Variants in ZFHX3 observed in about 807,000 individuals in gnomAD.
ZFHX3 encodes the protein zinc finger homeobox 3.
A neutral mutation model predicts 279.1 loss-of-function variants in ZFHX3; 42 were observed. That is an observed-to-expected ratio of 0.15 (90% CI 0.12 to 0.19). The LOEUF is 0.19. Ranked by LOEUF, ZFHX3 falls within the 10% of genes least tolerant of loss-of-function variation. ZFHX3 has a pLI of 1.00. For synonymous variants in ZFHX3, 2,293 were observed against 1,957.8 expected, an observed-to-expected ratio of 1.17 and a Z score of -4.52; for missense variants, 4,981 against 4,754.0, an observed-to-expected ratio of 1.05 and a Z score of -1.40.
intron 1 of ZFHX3, among the ~76,000 whole-genome samples, chr16:72,966,795 G>A (rs1961864498): frequency 6.6e-6 from 1 of 152,184 alleles, no homozygotes; most frequent in Admixed American, 6.5e-5. Context: ...GTTGAATTAG[G>A]GGCAATGAGG....
At chr16:73,723,069 C>A (rs150479577) in intron 1 of ZFHX3, among the ~76,000 whole-genome samples, 1 of 152,156 alleles carries the variant, frequency 6.6e-6, no homozygotes, top group South Asian at 2.1e-4. Flanking sequence ...AGACCATACT[C>A]GCCATCCATT....
chr16:72,862,185 A>G (rs2037906740), intron 4 of ZFHX3, among the ~76,000 whole-genome samples: 1 of 152,186 alleles, frequency 6.6e-6, no homozygotes, highest in South Asian at 2.1e-4. Context: ...AGGGTTTCCC[A>G]TAGCACTGAA....
intron 4 of ZFHX3, among the ~76,000 whole-genome samples, chr16:73,266,449 G>C (rs528443197): frequency 6.6e-6 from 1 of 152,146 alleles, no homozygotes; most frequent in African/African-American, 2.4e-5. Flanking sequence ...TAAATGAAGA[G>C]CTAGGAGGTG....
chr16:72,851,911 T>G (rs2037628559), intron 4 of ZFHX3, among the ~76,000 whole-genome samples: 1 of 152,176 alleles, frequency 6.6e-6, no homozygotes, highest in Non-Finnish European at 1.5e-5. Context: ...ATGCCAAAAT[T>G]TAACACACTG....
At chr16:72,857,885 C>G (rs2037792150) in intron 4 of ZFHX3, among the ~76,000 whole-genome samples, 1 of 152,214 alleles carries the variant, frequency 6.6e-6, no homozygotes, top group South Asian at 2.1e-4. Context: ...CCTTCCCCAC[C>G]AAAATCCTTC....
intron 2 of ZFHX3, among the ~76,000 whole-genome samples, chr16:73,561,793 T>TC (rs2020373384): frequency 6.6e-6 from 1 of 152,166 alleles, no homozygotes; most frequent in Admixed American, 6.5e-5. Context: ...ACAATAATAC[T>TC]AATCAAAAGT....
At chr16:73,588,775 C>G (rs1042349513) in intron 2 of ZFHX3, among the ~76,000 whole-genome samples, 1 of 149,308 alleles carries the variant, frequency 6.7e-6, no homozygotes, top group Non-Finnish European at 1.5e-5. Context: ...ATGCAATCAT[C>G]AAAATTCAGA....
intron 2 of ZFHX3, among the ~76,000 whole-genome samples, chr16:73,555,005 A>G (rs1372231745): frequency 2.0e-5 from 3 of 152,168 alleles, no homozygotes; most frequent in African/African-American, 7.2e-5. Flanking sequence ...ATGCCCCCTA[A>G]GTGAAGACTT....
chr16:73,640,714 A>G (rs771896202), intron 2 of ZFHX3, among the ~76,000 whole-genome samples: 10 of 41,076 alleles, frequency 2.4e-4, no homozygotes, highest in Admixed American at 7.1e-4. Context: ...GGCAAGTTCA[A>G]CATCTAATTA....
intron 4 of ZFHX3, among the ~76,000 whole-genome samples, chr16:73,274,439 T>C (rs1162363140): frequency 1.3e-5 from 2 of 152,254 alleles, no homozygotes; most frequent in Non-Finnish European, 2.9e-5. Context: ...CCCTCTTCAG[T>C]ATGCTGAGTT....
chr16:72,987,230 C>A (rs779990284), intron 1 of ZFHX3, among the ~76,000 whole-genome samples: 14 of 152,184 alleles, frequency 9.2e-5, no homozygotes, highest in Admixed American at 2.6e-4. Context: ...AGAAGGCAAG[C>A]ACCCATCCCT....
chr16:73,423,271 A>G (rs1329622360), intron 3 of ZFHX3, among the ~76,000 whole-genome samples: 2 of 152,096 alleles, frequency 1.3e-5, no homozygotes, highest in African/African-American at 4.8e-5. Flanking sequence ...TTTGCTGAGC[A>G]TTGGACAGAC....
At chr16:73,725,191 C>A (rs751081827) in intron 1 of ZFHX3, among the ~76,000 whole-genome samples, 2 of 152,140 alleles carry the variant, frequency 1.3e-5, no homozygotes, top group Admixed American at 6.6e-5. Context: ...AGGTTTATTT[C>A]TTCTTGAAGA....
chr16:73,003,351 G>A (rs887772752), intron 1 of ZFHX3, among the ~76,000 whole-genome samples: 2 of 150,196 alleles, frequency 1.3e-5, no homozygotes, highest in African/African-American at 4.9e-5. Context: ...CAAAGACTCC[G>A]CCCTTGTGAA....
At chr16:73,680,176 A>C (rs1597062224) in intron 2 of ZFHX3, 1 of 152,228 alleles carries the variant, frequency 6.6e-6, no homozygotes, top group Non-Finnish European at 1.5e-5. Context: ...ACGCTTCTAC[A>C]TACCAAAGTA....
intron 4 of ZFHX3, among the ~76,000 whole-genome samples, chr16:72,856,756 T>G (rs886417044): frequency 2.0e-5 from 3 of 152,198 alleles, no homozygotes; most frequent in African/African-American, 7.2e-5. Context: ...ACATCAGCTT[T>G]GAAGACAGAA....
chr16:73,578,938 C>G (rs960285712), intron 2 of ZFHX3, among the ~76,000 whole-genome samples: 5 of 152,154 alleles, frequency 3.3e-5, no homozygotes, highest in Admixed American at 3.3e-4. Context: ...CAAATTTAAG[C>G]TGGAAAACGA....
At chr16:73,788,142 C>T (rs1240660345) in intron 1 of ZFHX3, among the ~76,000 whole-genome samples, 1 of 152,130 alleles carries the variant, frequency 6.6e-6, no homozygotes, top group Non-Finnish European at 1.5e-5. Context: ...GAAGGTGGCA[C>T]ACAGGAGCTG....
At chr16:72,898,714 A>G (rs998685756) in intron 3 of ZFHX3, among the ~76,000 whole-genome samples, 1 of 149,592 alleles carries the variant, frequency 6.7e-6, no homozygotes, top group African/African-American at 2.5e-5. Flanking sequence ...ATGCATTTTT[A>G]CCATTATGGG....
Sources: gnomAD v4.1 joint callset for allele counts (sites outside exome capture counted in the v4.1 genomes callset) on GRCh38, gnomAD v4.1.1 for gene constraint, MANE v1.5 for transcripts, NCBI Gene and HGNC (gene_info 2026-07-23, HGNC 2026-07-21) for gene names.